KCNIP1: variants seen among roughly 807,000 people sequenced by gnomAD.
The protein encoded by KCNIP1 is potassium voltage-gated channel interacting protein 1, also known as A-type potassium channel modulatory protein KCNIP1.
A neutral mutation model predicts 33.0 loss-of-function variants in KCNIP1; 18 were observed. The ratio of observed to expected loss-of-function variants is 0.55; its 90% CI spans 0.38 to 0.81. KCNIP1 has a LOEUF of 0.81. KCNIP1 is among the 30% of genes least tolerant of loss of function. The pLI, the probability that KCNIP1 is intolerant of heterozygous loss-of-function variation, is 0.00. For synonymous variants in KCNIP1, 93 were observed against 98.3 expected (o/e 0.95, Z 0.32); for missense variants, 238 against 271.6 (o/e 0.88, Z 0.87).
At chr5:170,385,988 T>C (rs1581136389) in intron 1 of KCNIP1, among the ~76,000 whole-genome samples, 1 of 150,038 alleles carries the variant, frequency 6.7e-6, no homozygotes, top group Non-Finnish European at 1.5e-5. Context: ...TAGCCGGGTG[T>C]GGTCGTGGGA....
chr5:170,611,599 C>T (rs1022371860), intron 1 of KCNIP1, among the ~76,000 whole-genome samples: 1 of 152,226 alleles, frequency 6.6e-6, no homozygotes, highest in African/African-American at 2.4e-5. Flanking sequence ...TTCCCTCTCT[C>T]CTGGAGTCCA....
At chr5:170,434,726 G>A (rs1354501269) in intron 1 of KCNIP1, among the ~76,000 whole-genome samples, 3 of 152,252 alleles carry the variant, frequency 2.0e-5, no homozygotes, top group South Asian at 2.1e-4. Flanking sequence ...AGGCCGAGGC[G>A]GATGGATCAG....
At chr5:170,384,201 T>C (rs1376325310) in intron 1 of KCNIP1, among the ~76,000 whole-genome samples, 1 of 152,228 alleles carries the variant, frequency 6.6e-6, no homozygotes. Context: ...CTGGGTGTTT[T>C]TTCAAAGCTC....
intron 1 of KCNIP1, among the ~76,000 whole-genome samples, chr5:170,436,683 C>T (rs1755872498): frequency 1.3e-5 from 2 of 152,136 alleles, no homozygotes; most frequent in African/African-American, 2.4e-5. Context: ...GTGTGTGTTC[C>T]CCTGTTTTCT....
chr5:170,481,235 T>C (rs1756970727), intron 1 of KCNIP1, among the ~76,000 whole-genome samples: 1 of 152,224 alleles, frequency 6.6e-6, no homozygotes, highest in Non-Finnish European at 1.5e-5. Flanking sequence ...CCTTGCTTTC[T>C]GGTTACAAAA....
At chr5:170,439,925 C>T (rs914377182) in intron 1 of KCNIP1, among the ~76,000 whole-genome samples, 1 of 152,188 alleles carries the variant, frequency 6.6e-6, no homozygotes, top group Non-Finnish European at 1.5e-5. Context: ...TGTCCACAGG[C>T]GGCCATCCCC....
upstream of KCNIP1, among the ~76,000 whole-genome samples, chr5:170,499,116 G>A (rs1017906073): frequency 3.3e-5 from 5 of 152,144 alleles, no homozygotes; most frequent in African/African-American, 1.2e-4. Flanking sequence ...GAACATTTGG[G>A]AAATGGTACA....
At chr5:170,543,493 A>T (rs1451599512) in intron 1 of KCNIP1, among the ~76,000 whole-genome samples, 1 of 152,338 alleles carries the variant, frequency 6.6e-6, no homozygotes, top group East Asian at 1.9e-4. Context: ...TAAAAATAGG[A>T]ATTACCAAGT....
intron 4 of KCNIP1, 54 bp downstream of exon 4, chr5:170,721,957 C>T: frequency 6.3e-7 from 1 of 1,597,600 alleles, no homozygotes; most frequent in Non-Finnish European, 8.6e-7. Context: ...ATCACCTCCC[C>T]CTCTAAATCT....
intron 1 of KCNIP1, among the ~76,000 whole-genome samples, chr5:170,392,271 A>G (rs1163599647): frequency 6.6e-6 from 1 of 152,154 alleles, no homozygotes; most frequent in African/African-American, 2.4e-5. Context: ...GGCCTCAGAG[A>G]ATGTGGAGCA....
At chr5:170,387,291 C>T (rs1164433296) in intron 1 of KCNIP1, among the ~76,000 whole-genome samples, 1 of 152,108 alleles carries the variant, frequency 6.6e-6, no homozygotes, top group Non-Finnish European at 1.5e-5. Context: ...GTTTAATTAG[C>T]CAGTGTCCGG....
At chr5:170,424,245 C>T (rs1755564546) in intron 1 of KCNIP1, among the ~76,000 whole-genome samples, 1 of 152,148 alleles carries the variant, frequency 6.6e-6, no homozygotes, top group African/African-American at 2.4e-5. Flanking sequence ...ACGAAGCTGC[C>T]ATTTATCGAA....
intron 1 of KCNIP1, among the ~76,000 whole-genome samples, chr5:170,673,407 C>T (rs1452021495): frequency 3.3e-5 from 5 of 152,214 alleles, no homozygotes; most frequent in Admixed American, 2.6e-4. Flanking sequence ...ATTTATGGAT[C>T]GCCTATTGTG....
chr5:170,594,823 C>A (rs1758389328), intron 1 of KCNIP1, among the ~76,000 whole-genome samples: 1 of 152,190 alleles, frequency 6.6e-6, no homozygotes, highest in Non-Finnish European at 1.5e-5. Flanking sequence ...ACTACAGTTT[C>A]TTTATCTGTA....
intron 1 of KCNIP1, among the ~76,000 whole-genome samples, chr5:170,717,750 G>A (rs1296710813): frequency 6.6e-6 from 1 of 152,184 alleles, no homozygotes; most frequent in African/African-American, 2.4e-5. Context: ...GTTGCCACAG[G>A]ATGAGACATG....
intron 2 of KCNIP1, 23 bp from the exon 3 acceptor site, chr5:170,720,298 C>T (rs779541448): frequency 6.2e-7 from 1 of 1,600,554 alleles, no homozygotes; most frequent in East Asian, 2.2e-5. Context: ...ATGCCTCCCG[C>T]TGACTCTCTC....
chr5:170,625,843 G>A (rs182418006), intron 1 of KCNIP1, among the ~76,000 whole-genome samples: 10 of 152,310 alleles, frequency 6.6e-5, no homozygotes, highest in African/African-American at 1.9e-4. Flanking sequence ...GTGGGATGGG[G>A]ACTGGGCAGA....
chr5:170,725,644 A>G (rs1373815392), intron 5 of KCNIP1, among the ~76,000 whole-genome samples: 1 of 152,174 alleles, frequency 6.6e-6, no homozygotes, highest in African/African-American at 2.4e-5. Flanking sequence ...TTAATTGAAC[A>G]TTTTAACTAA....
At chr5:170,679,513 G>T (rs142699398) in intron 1 of KCNIP1, among the ~76,000 whole-genome samples, 1 of 152,150 alleles carries the variant, frequency 6.6e-6, no homozygotes, top group East Asian at 1.9e-4. Context: ...ACATACATAG[G>T]AGAAAATTTC....
Sources: gnomAD v4.1 joint callset for allele counts (sites outside exome capture counted in the v4.1 genomes callset) on GRCh38, gnomAD v4.1.1 for gene constraint, MANE v1.5 for transcripts, NCBI Gene and HGNC (gene_info 2026-07-23, HGNC 2026-07-21) for gene names.